Variants in LARGE1 observed in about 807,000 individuals in gnomAD.
LARGE1 encodes LARGE xylosyl- and glucuronyltransferase 1.
Under a neutral mutation model 87.6 loss-of-function variants are expected in LARGE1, and 43 were observed. The ratio of observed to expected loss-of-function variants is 0.49; its 90% CI spans 0.38 to 0.63. The LOEUF (loss-of-function observed/expected upper bound fraction) is 0.63. LARGE1 is among the 30% of genes least tolerant of loss of function. The pLI is 0.00. For missense variants in LARGE1, 802 were observed against 1,000.2 expected, an observed-to-expected ratio of 0.80 and a Z score of 2.67; for synonymous variants, 434 against 394.6, an observed-to-expected ratio of 1.10 and a Z score of -1.18.
chr22:33,602,771 C>T (rs1425990194), intron 5 of LARGE1, among the ~76,000 whole-genome samples: 1 of 152,214 alleles, frequency 6.6e-6, no homozygotes, highest in African/African-American at 2.4e-5. Flanking sequence ...CCTCAGCCTC[C>T]TAAAGTGCTG....
Position 33,287,430 on chromosome 22 carries a change from A to G in LARGE1, c.1731-4082T>C, listed in dbSNP as rs374247364. Among the ~76,000 whole-genome samples the G allele has an allele frequency of 9.2e-5, 14 of 152,318 alleles. No individual in the cohort carries two copies. The South Asian group carries it at 2.7e-3, about 29-fold the overall frequency. ...TCTCACTAAAATACAAACTGCCACA[A>G]AGATGGATCTGTCACCAGATAGATC... On this transcript the variant is annotated intron_variant, in intron 12 of 14. Transcript: ENST00000397394.
chr22:33,415,442 A>G (rs1301300324), intron 7 of LARGE1, among the ~76,000 whole-genome samples: 3 of 152,172 alleles, frequency 2.0e-5, no homozygotes, highest in African/African-American at 7.2e-5. Context: ...TTGCATACAT[A>G]TTCTCTCCTG....
rs59338001 is a variant in LARGE1, at chr22:33,394,702, C to CGTGTGT, written c.893-10404_893-10399dup. Reference sequence around the variant, plus strand: ...CCATGTGGTCTCAACCTCCTGGGAGCGTGTGTGTGTGTGTGTGTGTGTGTG... The same window carrying CGTGTGT: ...CCATGTGGTCTCAACCTCCTGGGAGCGTGTGTGTGTGTGTGTGTGTGTGTGTGTGTG... On this transcript the variant is annotated intron_variant, in intron 7 of 14. Coordinates refer to ENST00000397394, the MANE Select transcript of LARGE1 (RefSeq NM_133642.5). 3.8e-3 allele frequency among the ~76,000 whole-genome samples: 548 copies of CGTGTGT among 142,402 alleles called. 4 individuals carry two copies. Among genetic ancestry groups the CGTGTGT allele is most frequent in the African/African-American group, 0.011 (418 of 38,372 alleles). The allele number at this position is 142,402 out of a possible 152,430, so 93.4% of individuals were successfully genotyped here. A position where few individuals can be genotyped will look rare whatever the true frequency, so the allele number is the denominator to read the frequency against.
chr22:33,155,191 A>G, the LARGE1 span, among the ~76,000 whole-genome samples: 1 of 152,346 alleles, frequency 6.6e-6, no homozygotes, highest in South Asian at 2.1e-4. Flanking sequence ...TGCTGAAAAG[A>G]TACCCAAAAA....
intron 2 of LARGE1, among the ~76,000 whole-genome samples, chr22:33,657,495 G>A (rs919220855): frequency 5.3e-5 from 8 of 152,128 alleles, no homozygotes; most frequent in Non-Finnish European, 1.2e-4. Context: ...TCTGCTTCAA[G>A]CACTTGACTG....
chr22:33,483,407 T>C (rs1211570724), intron 6 of LARGE1, among the ~76,000 whole-genome samples: 1 of 152,140 alleles, frequency 6.6e-6, no homozygotes, highest in Non-Finnish European at 1.5e-5. Context: ...CACACTGATA[T>C]TGGGGGCAGA....
chr22:33,676,372 CAAAAAAA>C (rs10567981), intron 2 of LARGE1, among the ~76,000 whole-genome samples: 1 of 16,284 alleles, frequency 6.1e-5, no homozygotes, highest in East Asian at 2.9e-3. Flanking sequence ...GATTCAATGG[CAAAAAAA>C]AAAAAAAAAA....
At chr22:33,655,356 T>C (rs911193227) in intron 2 of LARGE1, among the ~76,000 whole-genome samples, 1 of 152,184 alleles carries the variant, frequency 6.6e-6, no homozygotes, top group Non-Finnish European at 1.5e-5. Flanking sequence ...TGGGACATCA[T>C]CTTTTTCTTG....
chr22:33,206,247 C>T (rs958183435), intron 11 of LARGE1, among the ~76,000 whole-genome samples: 2 of 151,632 alleles, frequency 1.3e-5, no homozygotes, highest in African/African-American at 2.4e-5. Flanking sequence ...TGAGCCACTG[C>T]GCCCGGCCTA....
At chr22:33,869,298 A>G (rs1347578736) in intron 1 of LARGE1, among the ~76,000 whole-genome samples, 1 of 151,176 alleles carries the variant, frequency 6.6e-6, no homozygotes, top group Non-Finnish European at 1.5e-5. Flanking sequence ...CCAAAACAAC[A>G]CTCTCAGAGT....
rs371474985 is a variant in LARGE1, at chr22:33,239,947, G to T, written c.1730+64282C>A. 3.9e-5 allele frequency among the ~76,000 whole-genome samples: 6 copies of T among 152,110 alleles called. No individual in the cohort carries two copies. In the South Asian group the frequency reaches 1.2e-3, roughly 31 times the overall value. On this transcript the variant is annotated intron_variant, in intron 11 of 11. Transcript: ENST00000608642. ...AAATGCATAGCAAATATCTCCTGAC[G>T]TGGGAGAATATATATTTGCAAGTCT...
chr22:33,376,365 T>C (rs1297461068), intron 9 of LARGE1, among the ~76,000 whole-genome samples: 4 of 152,266 alleles, frequency 2.6e-5, no homozygotes, highest in African/African-American at 7.2e-5. Flanking sequence ...CTTTCTTCTA[T>C]GCAGTTACCA....
At chr22:33,916,853 G>A (rs971931596) in intron 1 of LARGE1, among the ~76,000 whole-genome samples, 3 of 152,112 alleles carry the variant, frequency 2.0e-5, no homozygotes, top group East Asian at 3.9e-4. Flanking sequence ...GTCTTCAATC[G>A]TTGGTGCTCA....
chr22:33,564,130 C>T lies in LARGE1; in HGVS notation c.787+718G>A, dbSNP rs551799889. Among the ~76,000 whole-genome samples, 37 of 152,258 alleles carry T rather than the reference C, an allele frequency of 2.4e-4. 2 individuals are homozygous for T. The highest frequency in any genetic ancestry group is 2.3e-3 in the South Asian group (11 of 4,806). The stretch of plus-strand genomic sequence containing the variant: ...AAAAATTTCACTGTCGAATTTCTTT[C>T]TCATTGTACTCATCCAGTATAGAAG... On this transcript the variant is annotated intron_variant, in intron 6 of 14. Coordinates refer to ENST00000397394, the MANE Select transcript of LARGE1 (RefSeq NM_133642.5).
At chr22:33,878,822 G>C (rs1210418152) in intron 1 of LARGE1, among the ~76,000 whole-genome samples, 1 of 152,200 alleles carries the variant, frequency 6.6e-6, no homozygotes, top group Non-Finnish European at 1.5e-5. Context: ...GATGGATGCT[G>C]TGTTTAATAG....
At chr22:33,146,482 T>A in the LARGE1 span, among the ~76,000 whole-genome samples, 1 of 152,038 alleles carries the variant, frequency 6.6e-6, no homozygotes, top group African/African-American at 2.4e-5. Flanking sequence ...GCTTTCAGGG[T>A]TCATATTTAA....
chr22:33,147,608 C>A, the LARGE1 span, among the ~76,000 whole-genome samples: 5 of 152,068 alleles, frequency 3.3e-5, no homozygotes, highest in African/African-American at 7.2e-5. Context: ...GCGATTATAG[C>A]TTTTTACATA....
chr22:33,096,566 G>GT, the LARGE1 span, among the ~76,000 whole-genome samples: 4,199 of 107,872 alleles, frequency 0.039, 96 homozygotes, highest in Middle Eastern at 0.079. Flanking sequence ...TTTTGTTTTT[G>GT]TTTTTTTTTT....
At chr22:33,454,901 G>T (rs1270967797) in intron 6 of LARGE1, among the ~76,000 whole-genome samples, 2 of 152,128 alleles carry the variant, frequency 1.3e-5, no homozygotes, top group African/African-American at 4.8e-5. Context: ...ATCCACCCCT[G>T]TGACCTAATC....
Sources: gnomAD v4.1 joint callset for allele counts (sites outside exome capture counted in the v4.1 genomes callset) on GRCh38, gnomAD v4.1.1 for gene constraint, MANE v1.5 for transcripts, NCBI Gene and HGNC (gene_info 2026-07-23, HGNC 2026-07-21) for gene names.